Variants in INSR observed in about 807,000 individuals in gnomAD.
INSR encodes the protein IR.
A neutral mutation model predicts 142.6 loss-of-function variants in INSR; 67 were observed. The observed-to-expected ratio is 0.47, with a 90% CI of 0.39 to 0.58. INSR has a LOEUF of 0.58. Ranked by LOEUF, INSR falls within the 20% of genes least tolerant of loss-of-function variation. INSR has a pLI of 0.00. For missense variants in INSR, 1,248 were observed against 1,833.2 expected (o/e 0.68, Z 5.83); for synonymous variants, 756 against 743.1 (o/e 1.02, Z -0.28).
chr19:7,124,976 G>A (rs534061013), intron 17 of INSR, among the ~76,000 whole-genome samples: 41 of 152,078 alleles, frequency 2.7e-4, no homozygotes, highest in African/African-American at 8.9e-4. Context: ...GGAAGATTCC[G>A]GAAAGTGGTG....
At chr19:7,130,046 T>C (rs575471313) in intron 14 of INSR, among the ~76,000 whole-genome samples, 5 of 149,986 alleles carry the variant, frequency 3.3e-5, no homozygotes, top group Non-Finnish European at 5.9e-5. Context: ...GCCAAAAAAC[T>C]CTAGTAACAA....
chr19:7,170,793 CT>C, intron 5 of INSR, 42 bp from the exon 6 acceptor site: 1 of 1,456,422 alleles, frequency 6.9e-7, no homozygotes, highest in Non-Finnish European at 9.6e-7. Flanking sequence ...AACGGCTGGT[CT>C]TCTACAACTC....
intron 1 of INSR, among the ~76,000 whole-genome samples, chr19:7,285,376 G>A (rs1568238950): frequency 6.6e-6 from 1 of 152,046 alleles, no homozygotes; most frequent in Non-Finnish European, 1.5e-5. Flanking sequence ...CTTGAGCCCA[G>A]GAAGCAGAGG....
At chr19:7,141,618 C>A (rs1021692313) in intron 13 of INSR, 59 bp downstream of exon 13, 42 of 1,608,722 alleles carry the variant, frequency 2.6e-5, no homozygotes, top group Non-Finnish European at 1.5e-5. Flanking sequence ...GTACCAAGTG[C>A]AACTCTGAAG....
intron 2 of INSR, among the ~76,000 whole-genome samples, chr19:7,212,487 C>T (rs1290630315): frequency 6.6e-6 from 1 of 152,178 alleles, no homozygotes; most frequent in South Asian, 2.1e-4. Flanking sequence ...GTTTTGGAGG[C>T]GCTTCAATAG....
intron 2 of INSR, among the ~76,000 whole-genome samples, chr19:7,234,940 C>G (rs1175057659): frequency 1.3e-5 from 2 of 151,898 alleles, no homozygotes; most frequent in Non-Finnish European, 2.9e-5. Context: ...CACCTGTAGT[C>G]CCAGCTACTT....
chr19:7,153,195 CACCACACACACCACACACCA>C lies in INSR; in HGVS notation c.2030-288_2030-269del, dbSNP rs1568449540. On this transcript the variant is annotated intron_variant, in intron 9 of 21. Coordinates refer to ENST00000302850, the MANE Select transcript of INSR (RefSeq NM_000208.4). ...CACCACAAACACACAACCACACACA[CACCACACACACCACACACCA>C]CACACACGCACCACACACACACCAT... 6.9e-3 allele frequency among the ~76,000 whole-genome samples: 415 copies of C among 59,942 alleles called. 10 individuals carry two copies. Among genetic ancestry groups the C allele is most frequent in the Middle Eastern group, 0.014 (1 of 74 alleles). 39.3% of individuals were successfully genotyped at this position (59,942 alleles called of 152,430 possible).
At chr19:7,262,927 G>C (rs1216940649) in intron 2 of INSR, among the ~76,000 whole-genome samples, 3 of 152,228 alleles carry the variant, frequency 2.0e-5, no homozygotes, top group Non-Finnish European at 4.4e-5. Context: ...TGGTGGTGGT[G>C]ATGGTTGCAA....
intron 3 of INSR, among the ~76,000 whole-genome samples, chr19:7,183,574 G>A (rs1974332274): frequency 6.6e-6 from 1 of 152,040 alleles, no homozygotes; most frequent in Non-Finnish European, 1.5e-5. Context: ...TATGTTCTGG[G>A]CTAATCTTGG....
At chr19:7,172,266 A>G (rs546309580) in intron 5 of INSR, 24 bp downstream of exon 5, 2 of 1,613,382 alleles carry the variant, frequency 1.2e-6, no homozygotes, top group South Asian at 2.2e-5. Flanking sequence ...CACTCAGGCC[A>G]TACACACAAT....
At chr19:7,181,435 C>T (rs557736876) in intron 3 of INSR, among the ~76,000 whole-genome samples, 9 of 152,180 alleles carry the variant, frequency 5.9e-5, no homozygotes, top group Non-Finnish European at 1.3e-4. Flanking sequence ...CTCCCCTTCC[C>T]AGTGGATACC....
At position 7,141,735 on chromosome 19, in the gene INSR, T is replaced by A; in HGVS notation, c.2624A>T (p.Lys875Met). The change falls in exon 13 of 22, where the codon AAG becomes ATG. Residue 875 changes from lysine to methionine, a missense_variant. Coordinates refer to ENST00000302850, the MANE Select transcript of INSR (RefSeq NM_000208.4). Reference protein sequence around the residue: ...NVVHLMWQEPKEPNGLIVLYE... With the variant: ...NVVHLMWQEPMEPNGLIVLYE... The stretch of plus-strand genomic sequence containing the variant: ...CAGCACGATCAGACCATTGGGCTCC[T>A]TCGGCTCCTGCCACATCAAGTGGAC... The A allele has an allele frequency of 6.2e-7, 1 of 1,614,192 alleles. No homozygotes were observed. The highest frequency in any genetic ancestry group is 8.5e-7 in the Non-Finnish European group (1 of 1,180,026).
chr19:7,184,060 C>CAAAAAAAAAAAAA lies in INSR; in HGVS notation c.974+243_974+255dup, dbSNP rs533682498. On this transcript the variant is annotated intron_variant, in intron 3 of 21. Transcript: ENST00000302850. ...GGAGTCTTGCGGCAAGACTCCATCT[C>CAAAAAAAAAAAAA]AAAAAAAAAAAAAAAGAATGGTGGG... is the stretch of plus-strand genomic sequence containing the variant. Among the ~76,000 whole-genome samples, 552 of 84,740 alleles carry CAAAAAAAAAAAAA rather than the reference C, an allele frequency of 6.5e-3. 12 individuals carry two copies. Among genetic ancestry groups the CAAAAAAAAAAAAA allele is most frequent in the Middle Eastern group, 0.014 (2 of 144 alleles). The allele number at this position is 84,740 out of a possible 152,430, so 55.6% of individuals were successfully genotyped here.
At position 7,218,373 on chromosome 19, in the gene INSR, A is replaced by G. The variant is rs140780807; in HGVS notation, c.653-33736T>C. ...GGCAGGGAGTGAGGAAATTTCATCT[A>G]AGAGAAATCAAATCAGTTGCCTAAT... On this transcript the variant is annotated intron_variant, in intron 2 of 21. Transcript: ENST00000302850. Among the ~76,000 whole-genome samples the G allele has an allele frequency of 1.5e-3, 234 of 152,130 alleles. 1 individual carries two copies. Among genetic ancestry groups the G allele is most frequent in the African/African-American group, 5.4e-3 (226 of 41,506 alleles).
At chr19:7,243,757 C>T (rs769038774) in intron 2 of INSR, among the ~76,000 whole-genome samples, 2 of 152,040 alleles carry the variant, frequency 1.3e-5, no homozygotes, top group African/African-American at 2.4e-5. Flanking sequence ...ATTCAGAAAA[C>T]GAAACAAAGC....
chr19:7,156,746 C>G (rs1973601690), intron 9 of INSR, among the ~76,000 whole-genome samples: 1 of 150,020 alleles, frequency 6.7e-6, no homozygotes, highest in African/African-American at 2.5e-5. Context: ...ATAAAGGTAG[C>G]AGTCCTAAAA....
chr19:7,213,349 A>AAC (rs1464794021), intron 2 of INSR, among the ~76,000 whole-genome samples: 2 of 148,148 alleles, frequency 1.3e-5, no homozygotes, highest in Non-Finnish European at 3.0e-5. Context: ...CTCAAAAAAA[A>AAC]AAAAAAAAAA....
chr19:7,186,539 C>G (rs964854994), intron 2 of INSR, among the ~76,000 whole-genome samples: 3 of 151,944 alleles, frequency 2.0e-5, no homozygotes, highest in African/African-American at 7.3e-5. Context: ...ATGTATAGTT[C>G]AGTGGTATTA....
rs535720963 is a variant in INSR at position 7,115,108 on chromosome 19, T to A, written c.*1948A>T. 1 of 152,350 alleles carries A rather than the reference T, an allele frequency of 6.6e-6. No homozygotes were observed. The highest frequency in any genetic ancestry group is 2.1e-4 in the South Asian group (1 of 4,828). 9.4% of individuals were successfully genotyped at this position (152,350 alleles called of 1,614,324 possible). A position where few individuals can be genotyped will look rare whatever the true frequency, so the allele number is the denominator to read the frequency against. On this transcript the variant is annotated 3_prime_UTR_variant, in exon 22 of 22. Transcript: ENST00000302850. ...GTCTACCTGTGTTCTTAATCAAGAATTGAGAGGGCTTGGAGGTTGCCATTA... is the reference window on the plus strand; with the variant it reads ...GTCTACCTGTGTTCTTAATCAAGAAATGAGAGGGCTTGGAGGTTGCCATTA...
Sources: allele counts gnomAD v4.1 joint callset (sites outside exome capture counted in the v4.1 genomes callset), GRCh38; gene constraint gnomAD v4.1.1; transcripts MANE v1.5; gene names NCBI Gene and HGNC (gene_info 2026-07-23, HGNC 2026-07-21).